The following CUX1 variants were observed in gnomAD, a reference collection of about 807,000 sequenced individuals.
The protein encoded by CUX1 is protein CASP.
In CUX1, 31 loss-of-function variants were observed where a neutral mutation model predicts 158.8. The ratio of observed to expected loss-of-function variants is 0.20; its 90% CI spans 0.15 to 0.26. CUX1 has a LOEUF of 0.26. Ranked by LOEUF, CUX1 falls within the 10% of genes least tolerant of loss-of-function variation. The pLI is 1.00. For synonymous variants in CUX1, 879 were observed against 862.1 expected, an observed-to-expected ratio of 1.02 and a Z score of -0.34; for missense variants, 1,589 against 2,014.6, an observed-to-expected ratio of 0.79 and a Z score of 4.04.
At chr7:101,975,789 A>G (rs1195058826) in intron 2 of CUX1, among the ~76,000 whole-genome samples, 1 of 152,126 alleles carries the variant, frequency 6.6e-6, no homozygotes, top group Non-Finnish European at 1.5e-5. Flanking sequence ...ACCTTTTGAC[A>G]TCCTTTGTTT....
chr7:101,882,689 G>A (rs1799839824), intron 1 of CUX1, among the ~76,000 whole-genome samples: 1 of 152,166 alleles, frequency 6.6e-6, no homozygotes, highest in Non-Finnish European at 1.5e-5. Flanking sequence ...TCAGAATATA[G>A]CAGCTGTTGA....
intron 1 of CUX1, among the ~76,000 whole-genome samples, chr7:101,837,355 A>T (rs1479487131): frequency 6.6e-6 from 1 of 152,254 alleles, no homozygotes; most frequent in Non-Finnish European, 1.5e-5. Flanking sequence ...GGCGGGTTCC[A>T]TACGTTACAG....
intron 1 of CUX1, among the ~76,000 whole-genome samples, chr7:101,901,453 C>T (rs1246324174): frequency 1.3e-5 from 2 of 151,950 alleles, no homozygotes; most frequent in African/African-American, 2.4e-5. Context: ...ACCACCACGC[C>T]CGGCTATTTT....
At chr7:101,993,159 G>A (rs922279750) in intron 2 of CUX1, among the ~76,000 whole-genome samples, 5 of 151,722 alleles carry the variant, frequency 3.3e-5, no homozygotes, top group Admixed American at 6.6e-5. Context: ...GCAAAACCCC[G>A]TCTCTACTAA....
intron 1 of CUX1, among the ~76,000 whole-genome samples, chr7:101,873,871 T>A (rs750242015): frequency 2.0e-5 from 3 of 152,188 alleles, no homozygotes; most frequent in Admixed American, 6.5e-5. Context: ...AGGCATGAGC[T>A]ACCGCGTCCT....
At chr7:102,108,389 AG>A (rs1424145448) in intron 6 of CUX1, among the ~76,000 whole-genome samples, 1 of 152,206 alleles carries the variant, frequency 6.6e-6, no homozygotes, top group Non-Finnish European at 1.5e-5. Context: ...TCTGTCACCC[AG>A]GCTGGAATGC....
At chr7:102,230,464 A>G (rs376399854) in intron 21 of CUX1, among the ~76,000 whole-genome samples, 3 of 151,074 alleles carry the variant, frequency 2.0e-5, no homozygotes, top group African/African-American at 7.3e-5. Flanking sequence ...CAGCCTGGGC[A>G]ACAGAGCAAG....
intron 1 of CUX1, among the ~76,000 whole-genome samples, chr7:101,881,091 CT>C (rs1799658653): frequency 6.6e-6 from 1 of 151,880 alleles, no homozygotes; most frequent in Non-Finnish European, 1.5e-5. Flanking sequence ...ATAAACAATT[CT>C]TTTGAAACAT....
chr7:102,283,100 G>C, exon 23 of CUX1: 2 of 1,612,450 alleles, frequency 1.2e-6, no homozygotes, highest in Non-Finnish European at 1.7e-6. Flanking sequence ...ATACCCCGGG[G>C]CCTCCCCCGT....
intron 22 of CUX1, among the ~76,000 whole-genome samples, chr7:102,238,134 C>T (rs1355450678): frequency 6.6e-6 from 1 of 152,220 alleles, no homozygotes; most frequent in Non-Finnish European, 1.5e-5. Context: ...GCGGGCAAGC[C>T]TGACAATGTC....
chr7:102,183,407 G>A (rs1423880534), intron 11 of CUX1, among the ~76,000 whole-genome samples: 2 of 151,976 alleles, frequency 1.3e-5, no homozygotes. Context: ...AGGATCATTG[G>A]AGCATACACA....
intron 1 of CUX1, among the ~76,000 whole-genome samples, chr7:101,889,117 A>G (rs1412932499): frequency 2.0e-5 from 3 of 151,752 alleles, no homozygotes; most frequent in Non-Finnish European, 4.4e-5. Flanking sequence ...AAATTAAAAA[A>G]TGAGTTGGAT....
At chr7:101,820,938 C>T (rs529787575) in intron 1 of CUX1, among the ~76,000 whole-genome samples, 1 of 152,304 alleles carries the variant, frequency 6.6e-6, no homozygotes, top group South Asian at 2.1e-4. Flanking sequence ...AGAGGGGCCC[C>T]ACAGCCTCTC....
chr7:102,006,387 T>TTTTTC (rs200383609), intron 2 of CUX1, among the ~76,000 whole-genome samples: 18 of 152,102 alleles, frequency 1.2e-4, no homozygotes, highest in African/African-American at 2.7e-4. Flanking sequence ...GAATGGATTT[T>TTTTTC]TTTTCTTTTC....
intron 17 of CUX1, among the ~76,000 whole-genome samples, chr7:102,277,623 TA>T (rs1791700960): frequency 6.6e-6 from 1 of 151,496 alleles, no homozygotes; most frequent in South Asian, 2.1e-4. Context: ...AAAATAAAAA[TA>T]AAAAATAAAA....
intron 4 of CUX1, among the ~76,000 whole-genome samples, chr7:102,072,538 C>G (rs1020357064): frequency 1.3e-5 from 2 of 152,222 alleles, no homozygotes; most frequent in African/African-American, 4.8e-5. Context: ...CTGCAAACAT[C>G]TGATTGGTTG....
chr7:102,203,031 A>G (rs914022918), intron 18 of CUX1, among the ~76,000 whole-genome samples: 14 of 152,120 alleles, frequency 9.2e-5, no homozygotes, highest in African/African-American at 3.4e-4. Context: ...CAGTGACGCT[A>G]TCTCGGCTCA....
intron 2 of CUX1, among the ~76,000 whole-genome samples, chr7:101,969,359 CAAAAAAA>C (rs10711703): frequency 8.9e-5 from 5 of 56,112 alleles, no homozygotes; most frequent in Non-Finnish European, 1.6e-4. Context: ...CAAAAAACAG[CAAAAAAA>C]AAAAAAAAAA....
Position 102,239,457 on chromosome 7 carries a change from G to A in CUX1, c.3760G>A (p.Glu1254Lys), listed in dbSNP as rs1554534086. 1 of 1,614,032 alleles carries A rather than the reference G, an allele frequency of 6.2e-7. No individual in the cohort carries two copies. The highest frequency in any genetic ancestry group is 1.1e-5 in the South Asian group (1 of 91,084). ...GAAACCCCGGGTGGTGCTGGCTCCG[G>A]AGGAGAAGGAGGCGCTGAAACGAGC... ...LKKPRVVLAP[E>K]EKEALKRAYQ... Residue 1254 changes from glutamate to lysine, a missense_variant, in exon 23 of 24, where the codon GAG becomes AAG. Transcript: ENST00000292535.
Sources: gnomAD v4.1 joint callset for allele counts (sites outside exome capture counted in the v4.1 genomes callset) on GRCh38, gnomAD v4.1.1 for gene constraint, MANE v1.5 for transcripts, NCBI Gene and HGNC (gene_info 2026-07-23, HGNC 2026-07-21) for gene names.